TMEM182: variants seen among roughly 807,000 people sequenced by gnomAD.
The protein encoded by TMEM182 is transmembrane protein 182.
TMEM182 carries 20 observed loss-of-function variants against 26.8 expected under a neutral mutation model. The ratio of observed to expected loss-of-function variants is 0.75; its 90% CI spans 0.53 to 1.09. The LOEUF (loss-of-function observed/expected upper bound fraction) is 1.09, where lower values mean the gene tolerates loss of function less well. Among genes scored for constraint, TMEM182 ranks in the 50% least tolerant of loss-of-function variants. The pLI, the probability that TMEM182 is intolerant of heterozygous loss-of-function variation, is 0.00. For missense variants in TMEM182, 277 were observed against 275.5 expected (o/e 1.01, Z -0.04); for synonymous variants, 109 against 102.2 (o/e 1.07, Z -0.40).
At chr2:102,763,300 T>C (rs2732840) in intron 2 of TMEM182, among the ~76,000 whole-genome samples, 21,028 of 152,196 alleles carry the variant, frequency 0.14, 1,732 homozygotes, top group South Asian at 0.25. Context: ...TTTTAAAAAC[T>C]ATAATGCATT....
At chr2:102,833,910 C>T (rs1683195456) in intron 3 of TMEM182, among the ~76,000 whole-genome samples, 1 of 152,180 alleles carries the variant, frequency 6.6e-6, no homozygotes, top group Non-Finnish European at 1.5e-5. Context: ...AAAATATTAA[C>T]ATATCCTATT....
Position 102,815,389 on chromosome 2 carries a change from ATTTAT to A in TMEM182, c.*425_*429del. Reference sequence around the variant, plus strand: ...TAAGAATGGGCAAGGTTGTCAGAGAATTTATTTTGTTTCTTGCCCACACAGATAAT... The same window carrying A: ...TAAGAATGGGCAAGGTTGTCAGAGAATTTGTTTCTTGCCCACACAGATAAT... On this transcript the variant is annotated 3_prime_UTR_variant, in exon 5 of 5. Coordinates refer to ENST00000412401, the MANE Select transcript of TMEM182 (RefSeq NM_144632.5). 7.0e-6 allele frequency: 7 copies of A among 997,208 alleles called. No homozygotes were observed. The highest frequency in any genetic ancestry group is 8.4e-6 in the Non-Finnish European group (7 of 837,820). The allele number at this position is 997,208 out of a possible 1,614,324, so 61.8% of individuals were successfully genotyped here. A position where few individuals can be genotyped will look rare whatever the true frequency, so the allele number is the denominator to read the frequency against.
chr2:102,749,185 T>C (rs1573487025), intron 1 of TMEM182, among the ~76,000 whole-genome samples: 1 of 152,122 alleles, frequency 6.6e-6, no homozygotes, highest in South Asian at 2.1e-4. Context: ...TTTAAAAATA[T>C]AATATTATTT....
chr2:102,776,773 A>G (rs140276507), intron 3 of TMEM182, among the ~76,000 whole-genome samples: 1 of 152,328 alleles, frequency 6.6e-6, no homozygotes, highest in East Asian at 1.9e-4. Flanking sequence ...CTCACCAGTA[A>G]TGAATGAGTT....
chr2:102,738,054 A>T (rs1679413303), intron 1 of TMEM182, among the ~76,000 whole-genome samples: 1 of 152,174 alleles, frequency 6.6e-6, no homozygotes, highest in Non-Finnish European at 1.5e-5. Flanking sequence ...GTGAACCCCC[A>T]AGTTATTCTG....
intron 2 of TMEM182, among the ~76,000 whole-genome samples, chr2:102,763,486 G>T (rs999301759): frequency 6.6e-6 from 1 of 152,096 alleles, no homozygotes; most frequent in Non-Finnish European, 1.5e-5. Flanking sequence ...TTACATAATA[G>T]TCAGGATTAT....
chr2:102,797,770 A>G (rs1477127799), intron 3 of TMEM182, 93 bp from the exon 4 acceptor site: 19 of 1,465,090 alleles, frequency 1.3e-5, no homozygotes, highest in Non-Finnish European at 1.7e-5. Context: ...AATTAGAAAA[A>G]TGAAGATGAA....
downstream of TMEM182, chr2:102,817,763 G>A: frequency 1.1e-6 from 1 of 946,738 alleles, no homozygotes; most frequent in South Asian, 4.9e-5. Context: ...TTGTGTGTAT[G>A]TAAGTGTGCA....
intron 4 of TMEM182, among the ~76,000 whole-genome samples, chr2:102,807,221 A>C (rs1682381800): frequency 6.6e-6 from 1 of 152,242 alleles, no homozygotes; most frequent in African/African-American, 2.4e-5. Context: ...GAAAGGGAAG[A>C]GGGAATTATT....
chr2:102,819,144 C>T (rs1682855610), downstream of TMEM182, among the ~76,000 whole-genome samples: 1 of 152,080 alleles, frequency 6.6e-6, no homozygotes, highest in Admixed American at 6.6e-5. Context: ...TATGACAATT[C>T]ATTTTTTCTT....
upstream of TMEM182, among the ~76,000 whole-genome samples, chr2:102,760,434 C>T (rs1680171110): frequency 6.6e-6 from 1 of 152,168 alleles, no homozygotes; most frequent in African/African-American, 2.4e-5. Context: ...ATGGCTGTTA[C>T]TGATGTCCTT....
intron 3 of TMEM182, among the ~76,000 whole-genome samples, chr2:102,783,817 A>G (rs1681272965): frequency 6.6e-6 from 1 of 152,174 alleles, no homozygotes; most frequent in African/African-American, 2.4e-5. Context: ...AAAAACAGCA[A>G]TGATCATGTT....
rs555505878 is a variant in TMEM182 at position 102,779,369 on chromosome 2, A to G, written c.331+14942A>G. ...CAATACTTTAGATTTATGTCTTTTG[A>G]TGACTTTGGAAAGTTTCAGTCATTA... On this transcript the variant is annotated intron_variant, in intron 3 of 4. Coordinates refer to ENST00000412401, the MANE Select transcript of TMEM182 (RefSeq NM_144632.5). 2.6e-4 allele frequency among the ~76,000 whole-genome samples: 40 copies of G among 152,186 alleles called. 1 individual carries two copies. Among genetic ancestry groups the G allele is most frequent in the African/African-American group, 8.7e-4 (36 of 41,536 alleles).
intron 4 of TMEM182, among the ~76,000 whole-genome samples, chr2:102,806,116 C>T (rs754195944): frequency 6.6e-6 from 1 of 152,108 alleles, no homozygotes; most frequent in Admixed American, 6.5e-5. Context: ...AGTCACTTTG[C>T]TCAGAACTAA....
chr2:102,752,043 A>T (rs1240391794), intron 1 of TMEM182, among the ~76,000 whole-genome samples: 1 of 152,134 alleles, frequency 6.6e-6, no homozygotes, highest in Non-Finnish European at 1.5e-5. Context: ...TTGCCCACTT[A>T]TAGGTTCTGT....
intron 3 of TMEM182, among the ~76,000 whole-genome samples, chr2:102,839,637 A>G (rs2104782418): frequency 6.6e-6 from 1 of 152,244 alleles, no homozygotes; most frequent in South Asian, 2.1e-4. Flanking sequence ...TAGGTATTAC[A>G]TATGACCAAC....
At chr2:102,804,984 G>C (rs1042290534) in intron 4 of TMEM182, among the ~76,000 whole-genome samples, 10 of 152,206 alleles carry the variant, frequency 6.6e-5, no homozygotes, top group African/African-American at 2.4e-4. Context: ...TCCAGACACT[G>C]ATCCTGTTAT....
At chr2:102,813,333 T>C (rs1682622918) in intron 4 of TMEM182, among the ~76,000 whole-genome samples, 1 of 152,234 alleles carries the variant, frequency 6.6e-6, no homozygotes, top group East Asian at 1.9e-4. Context: ...AATTGATGAC[T>C]GGGCTCTTAA....
In TMEM182 at chr2:102,740,889, T is replaced by C. The variant is rs528285512; in HGVS notation, c.-83+3876T>C. ...TCAGTATAATTAGCAATAAAAATAA[T>C]GAACTCTCAATTTCTATAACAACAT... On this transcript the variant is annotated intron_variant, in intron 1 of 5. Transcript: ENST00000409173. 1.2e-4 allele frequency among the ~76,000 whole-genome samples: 18 copies of C among 152,296 alleles called. No individual in the cohort carries two copies. The Middle Eastern group carries it at 0.017, about 144-fold the overall frequency.
Sources: gnomAD v4.1 joint callset for allele counts (sites outside exome capture counted in the v4.1 genomes callset) on GRCh38, gnomAD v4.1.1 for gene constraint, MANE v1.5 for transcripts, NCBI Gene and HGNC (gene_info 2026-07-23, HGNC 2026-07-21) for gene names.